The following TNS1 variants were observed in gnomAD, a reference collection of about 807,000 sequenced individuals.
TNS1 encodes tensin 1.
TNS1 carries 62 observed loss-of-function variants against 168.6 expected under a neutral mutation model. The ratio of observed to expected loss-of-function variants is 0.37; its 90% CI spans 0.30 to 0.45. The LOEUF is 0.45. Among genes scored for constraint, TNS1 ranks in the 20% least tolerant of loss-of-function variants. The probability of loss-of-function intolerance (pLI) is 1.00; values close to 1 mark genes in which losing one functional copy is unlikely to be tolerated. For missense variants in TNS1, 2,240 were observed against 2,339.4 expected, an observed-to-expected ratio of 0.96 and a Z score of 0.88; for synonymous variants, 934 against 933.2, an observed-to-expected ratio of 1.00 and a Z score of -0.02.
In TNS1 at chr2:217,848,350, G is replaced by A; in HGVS notation, c.2167C>T (p.Pro723Ser). 1.3e-6 allele frequency: 2 copies of A among 1,541,784 alleles called. No homozygotes were observed. The highest frequency in any genetic ancestry group is 1.8e-6 in the Non-Finnish European group (2 of 1,142,058). Reference protein sequence around the residue: ...LAGYQREGPHPAWPQPVTTSH... With the variant: ...LAGYQREGPHSAWPQPVTTSH... ...GTGGTCACTGGCTGTGGCCAGGCTG[G>A]GTGGGGCCCCTCCCTCTGGTAGCCA... Residue 723 changes from proline (P) to serine (S), a missense_variant, in exon 19 of 33, where the codon CCA becomes TCA. Around this residue, in one of 2 missense-constraint regions of TNS1, gnomAD observed 2,131 missense variants for 2,171.2 expected, o/e 0.98. Transcript: ENST00000682258.
rs754014175 is a variant in TNS1, at chr2:217,881,039, G to T, written c.1313-25C>A. ...CCTAAGTGGGATGGGAAAGGCAGCG[G>T]CAGTCGGGGAGACAGTGCAGAGAGG... is the stretch of plus-strand genomic sequence containing the variant. On this transcript the variant is annotated intron_variant, in intron 17 of 32. Transcript: ENST00000682258. 3 of 1,531,144 alleles carry T rather than the reference G, an allele frequency of 2.0e-6. No individual in the cohort carries two copies. In the African/African-American group the frequency reaches 4.1e-5, roughly 21 times the overall value. 94.8% of individuals were successfully genotyped at this position (1,531,144 alleles called of 1,614,324 possible).
intron 18 of TNS1, among the ~76,000 whole-genome samples, chr2:217,874,638 C>A (rs1376927459): frequency 3.3e-5 from 5 of 152,186 alleles, no homozygotes; most frequent in Admixed American, 6.5e-5. Flanking sequence ...GGGAACGCGG[C>A]TTTTTCTAAA....
intron 29 of TNS1, 111 bp downstream of exon 29, chr2:217,810,137 C>T: frequency 6.9e-7 from 1 of 1,456,236 alleles, no homozygotes; most frequent in Non-Finnish European, 9.5e-7. Context: ...GTGATCTTCC[C>T]AGAGACATTT....
chr2:217,825,864 T>G (rs1310961371), intron 22 of TNS1, among the ~76,000 whole-genome samples: 1 of 152,226 alleles, frequency 6.6e-6, no homozygotes, highest in Non-Finnish European at 1.5e-5. Flanking sequence ...CATTGGCCCC[T>G]TCAGCTCCTA....
intron 4 of TNS1, among the ~76,000 whole-genome samples, chr2:217,914,503 T>TTTTTTGTTTTGTTTTTG (rs533679847): frequency 0.017 from 2,565 of 152,106 alleles, 52 homozygotes; most frequent in Admixed American, 0.059. Flanking sequence ...TGTTTTGGGT[T>TTTTTTGTTTTGTTTTTG]TTTTTGTTTT....
rs543968516 is a variant in TNS1 at position 218,026,204 on chromosome 2, G to T, written c.156+7616C>A. Among the ~76,000 whole-genome samples the T allele has an allele frequency of 2.4e-4, 36 of 152,298 alleles. No individual in the cohort carries two copies. The South Asian group carries it at 7.5e-3, about 32-fold the overall frequency. On this transcript the variant is annotated intron_variant, in intron 1 of 1. Transcript: ENST00000649572. ...GTGGAGGAAACCAAGGCACAGAGAG[G>T]TTACATAAGATCTTCATCAACACAC...
chr2:217,936,268 A>G (rs747670727), intron 3 of TNS1, among the ~76,000 whole-genome samples: 7 of 151,816 alleles, frequency 4.6e-5, no homozygotes, highest in Non-Finnish European at 8.8e-5. Flanking sequence ...GAGGCCCCCA[A>G]AGGATCCTCT....
intron 13 of TNS1, 106 bp from the exon 14 acceptor site, chr2:217,886,210 G>C: frequency 1.6e-6 from 2 of 1,237,902 alleles, no homozygotes; most frequent in African/African-American, 3.0e-5. Context: ...AGAAATGGGG[G>C]AAGACGGGGT....
At chr2:217,899,126 C>T (rs1270395037) in intron 7 of TNS1, among the ~76,000 whole-genome samples, 1 of 152,154 alleles carries the variant, frequency 6.6e-6, no homozygotes, top group Non-Finnish European at 1.5e-5. Context: ...GCTGAGAAGC[C>T]ATGAGGAATC....
In TNS1 at chr2:217,804,329, G is replaced by A. The variant is rs1486259909; in HGVS notation, c.*130C>T. The A allele has an allele frequency of 2.0e-6, 2 of 1,004,738 alleles. No individual in the cohort carries two copies. The highest frequency in any genetic ancestry group is 2.9e-6 in the Non-Finnish European group (2 of 695,566). 62.2% of individuals were successfully genotyped at this position (1,004,738 alleles called of 1,614,324 possible). A position where few individuals can be genotyped will look rare whatever the true frequency, so the allele number is the denominator to read the frequency against. On this transcript the variant is annotated 3_prime_UTR_variant, in exon 33 of 33. Coordinates refer to ENST00000682258, the MANE Select transcript of TNS1 (RefSeq NM_001387777.1). ...CTGCAATTCACTTCCCTCTCCCCACGTTGCACTTTCTTCTCTCCTCCGAAA... is the reference window on the plus strand; with the variant it reads ...CTGCAATTCACTTCCCTCTCCCCACATTGCACTTTCTTCTCTCCTCCGAAA...
intron 18 of TNS1, among the ~76,000 whole-genome samples, chr2:217,872,062 G>A (rs950750542): frequency 1.3e-5 from 2 of 152,246 alleles, no homozygotes; most frequent in Non-Finnish European, 2.9e-5. Flanking sequence ...TTCGTTGGAC[G>A]AAGTCCTTAA....
chr2:217,874,402 A>G (rs3791947), intron 18 of TNS1, among the ~76,000 whole-genome samples: 53,892 of 152,090 alleles, frequency 0.35, 9,705 homozygotes, highest in African/African-American at 0.39. Context: ...CAAGGTCATC[A>G]TCAGCATCAG....
rs992057673 is a variant in TNS1, at chr2:217,900,753, A to G, written c.322-241T>C. The G allele has an allele frequency of 9.0e-6, 5 of 553,654 alleles. No individual in the cohort carries two copies. The South Asian group carries it at 1.1e-4, about 13-fold the overall frequency. The allele number at this position is 553,654 out of a possible 1,614,324, so 34.3% of individuals were successfully genotyped here. On this transcript the variant is annotated intron_variant, in intron 6 of 32. Coordinates refer to ENST00000682258, the MANE Select transcript of TNS1 (RefSeq NM_001387777.1). ...CAGAGGGACAAAAGGAAGAATCCCG[A>G]ATGCTGAGGAGTGCACCCCACTGGG...
intron 3 of TNS1, among the ~76,000 whole-genome samples, chr2:217,931,639 C>T (rs1956328896): frequency 6.6e-6 from 1 of 152,192 alleles, no homozygotes; most frequent in African/African-American, 2.4e-5. Flanking sequence ...ACTTTCAACA[C>T]CTGTAGAATT....
At chr2:218,016,634 A>G (rs149946812) in intron 1 of TNS1, among the ~76,000 whole-genome samples, 142 of 152,314 alleles carry the variant, frequency 9.3e-4, no homozygotes, top group African/African-American at 3.3e-3. Context: ...GCTGATGGCC[A>G]GGGGGACCCA....
chr2:217,852,305 C>A (rs1184074534), intron 18 of TNS1, among the ~76,000 whole-genome samples: 1 of 152,168 alleles, frequency 6.6e-6, no homozygotes, highest in Non-Finnish European at 1.5e-5. Flanking sequence ...CTCACTGTCC[C>A]TAGAAAGCTG....
At position 217,934,257 on chromosome 2, in the gene TNS1, A is replaced by G. The variant is rs555518414; in HGVS notation, c.187-14021T>C. The stretch of plus-strand genomic sequence containing the variant: ...TGGAGCTGAGGGGGTGTGAAGGCAT[A>G]GGTGATGGGAGGGGCTGATCCAGAG... On this transcript the variant is annotated intron_variant, in intron 3 of 32. Transcript: ENST00000682258. Among the ~76,000 whole-genome samples, 12 of 152,242 alleles carry G rather than the reference A, an allele frequency of 7.9e-5. No individual in the cohort carries two copies. The East Asian group carries it at 1.9e-3, about 25-fold the overall frequency.
chr2:218,026,793 G>C (rs1444443477), intron 1 of TNS1, among the ~76,000 whole-genome samples: 1 of 152,210 alleles, frequency 6.6e-6, no homozygotes, highest in African/African-American at 2.4e-5. Flanking sequence ...TCAAGGGCAG[G>C]GCAGACATGC....
intron 24 of TNS1, chr2:217,815,304 C>G (rs532738635): frequency 3.2e-6 from 1 of 316,904 alleles, no homozygotes; most frequent in African/African-American, 2.0e-5. Flanking sequence ...ATGCTGGCAG[C>G]CACAAGAAAC....
Sources: gnomAD v4.1 joint callset for allele counts (sites outside exome capture counted in the v4.1 genomes callset) on GRCh38, gnomAD v4.1.1 for gene constraint, gnomAD v4.1.1 regional missense constraint, MANE v1.5 for transcripts, NCBI Gene and HGNC (gene_info 2026-07-23, HGNC 2026-07-21) for gene names.